Variants in KATNAL1 observed in about 807,000 individuals in gnomAD.
KATNAL1 encodes the protein katanin catalytic subunit A1 like 1.
Under a neutral mutation model 55.2 loss-of-function variants are expected in KATNAL1, and 32 were observed. That is an observed-to-expected ratio of 0.58 (90% CI 0.44 to 0.78). The LOEUF (loss-of-function observed/expected upper bound fraction) is 0.78, where lower values mean the gene tolerates loss of function less well. KATNAL1 is among the 30% of genes least tolerant of loss of function. The pLI is 0.00. For synonymous variants in KATNAL1, 193 were observed against 193.6 expected (o/e 1.00, Z 0.02); for missense variants, 466 against 600.9 (o/e 0.78, Z 2.35).
intron 3 of KATNAL1, among the ~76,000 whole-genome samples, chr13:30,267,356 C>G (rs1879858312): frequency 6.6e-6 from 1 of 152,120 alleles, no homozygotes; most frequent in African/African-American, 2.4e-5. Context: ...GGTCTTTGTC[C>G]AGTTTATCGT....
intron 3 of KATNAL1, among the ~76,000 whole-genome samples, chr13:30,271,163 T>C (rs1880324204): frequency 6.6e-6 from 1 of 152,204 alleles, no homozygotes; most frequent in Non-Finnish European, 1.5e-5. Flanking sequence ...CTTCACACTT[T>C]ACATGGGTTA....
At chr13:30,288,159 T>C (rs555181286) in intron 1 of KATNAL1, among the ~76,000 whole-genome samples, 1 of 152,318 alleles carries the variant, frequency 6.6e-6, no homozygotes, top group South Asian at 2.1e-4. Context: ...ATACATTTCA[T>C]GTTTGAAAAT....
Position 30,230,589 on chromosome 13 carries a change from T to C in KATNAL1, c.891A>G (p.Arg297=). 1 of 1,591,146 alleles carries C rather than the reference T, an allele frequency of 6.3e-7. No homozygotes were observed. Among genetic ancestry groups the C allele is most frequent in the South Asian group, 1.2e-5 (1 of 86,900 alleles). The part of the protein sequence containing the change: ...KLVRLLFEMA[R]FYAPTTIFID... ...TGAAGATCGTGGTAGGGGCATAAAATCTAGCCTTTATGAAAATATTTTAAA... is the reference window on the plus strand; with the variant it reads ...TGAAGATCGTGGTAGGGGCATAAAACCTAGCCTTTATGAAAATATTTTAAA... Residue 297 remains arginine, a synonymous_variant, in exon 8 of 11, where the codon AGA becomes AGG. Transcript: ENST00000380615.
chr13:30,261,397 T>C (rs1480536106), intron 3 of KATNAL1, among the ~76,000 whole-genome samples: 1 of 152,052 alleles, frequency 6.6e-6, no homozygotes, highest in African/African-American at 2.4e-5. Flanking sequence ...ATGGACTAAA[T>C]GCTCCAGTTA....
At chr13:30,250,912 G>A (rs979563654) in intron 4 of KATNAL1, among the ~76,000 whole-genome samples, 1 of 152,186 alleles carries the variant, frequency 6.6e-6, no homozygotes, top group African/African-American at 2.4e-5. Context: ...GCCGAGGCGG[G>A]CGGATCACGA....
intron 9 of KATNAL1, among the ~76,000 whole-genome samples, chr13:30,225,802 A>T (rs189869194): frequency 6.6e-6 from 1 of 152,112 alleles, no homozygotes; most frequent in Non-Finnish European, 1.5e-5. Context: ...ACTATTCATT[A>T]AAAAAAATTG....
chr13:30,281,576 G>A (rs1881340566), intron 2 of KATNAL1, among the ~76,000 whole-genome samples: 2 of 152,002 alleles, frequency 1.3e-5, no homozygotes, highest in Non-Finnish European at 2.9e-5. Flanking sequence ...AATATAACTT[G>A]GTAACATTTA....
chr13:30,246,741 A>G (rs997161876), intron 4 of KATNAL1, among the ~76,000 whole-genome samples: 1 of 152,232 alleles, frequency 6.6e-6, no homozygotes, highest in Non-Finnish European at 1.5e-5. Flanking sequence ...AAGGATATGA[A>G]CAGACACTTC....
chr13:30,209,541 G>GA (rs145182050), intron 10 of KATNAL1, among the ~76,000 whole-genome samples: 6 of 151,962 alleles, frequency 3.9e-5, no homozygotes, highest in Non-Finnish European at 5.9e-5. Flanking sequence ...AGAAAAATAA[G>GA]AAAAAAAATA....
rs1469647446 is a variant in KATNAL1, at chr13:30,280,291, TTACTA to T, written c.163-73_163-69del. Reference sequence around the variant, plus strand: ...TACTTCATAAATTGTAAATAATAAATTACTATAGAGTGCACGTTTTCTTAATGTCA... The same window carrying T: ...TACTTCATAAATTGTAAATAATAAATTAGAGTGCACGTTTTCTTAATGTCA... On this transcript the variant is annotated intron_variant, in intron 2 of 10. Coordinates refer to ENST00000380615, the MANE Select transcript of KATNAL1 (RefSeq NM_032116.5). 4 of 1,298,980 alleles carry T rather than the reference TTACTA, an allele frequency of 3.1e-6. No individual in the cohort carries two copies. The African/African-American group carries it at 6.0e-5, about 20-fold the overall frequency. The allele number at this position is 1,298,980 out of a possible 1,614,324, so 80.5% of individuals were successfully genotyped here.
intron 3 of KATNAL1, among the ~76,000 whole-genome samples, chr13:30,275,513 G>C (rs1369365109): frequency 6.6e-6 from 1 of 152,142 alleles, no homozygotes; most frequent in African/African-American, 2.4e-5. Flanking sequence ...AATATAAAAA[G>C]AGTCAAACTC....
Position 30,210,434 on chromosome 13 carries a change from T to C in KATNAL1, c.1156A>G (p.Arg386Gly). ...AGGTTGATCTTCAGAAGCTCAGCTC[T>C]TCCTTTTGCTGTTACAAGATTTTGG... is the stretch of plus-strand genomic sequence containing the variant. ...IYIPLPTAKG[R>G]AELLKINLRE... Residue 386 changes from arginine (R) to glycine (G), a missense_variant, in exon 10 of 11, where the codon AGA becomes GGA. Arg to Gly is a moderately radical substitution (Grantham distance 125, BLOSUM62 -2). Transcript: ENST00000380615. The C allele has an allele frequency of 6.3e-7, 1 of 1,599,656 alleles. No homozygotes were observed. The highest frequency in any genetic ancestry group is 8.5e-7 in the Non-Finnish European group (1 of 1,175,504).
rs749486985 is a variant in KATNAL1, at chr13:30,301,977, T to C, written c.-15+5354A>G. Among the ~76,000 whole-genome samples the C allele has an allele frequency of 9.7e-4, 147 of 152,094 alleles. 1 individual carries two copies. The highest frequency in any genetic ancestry group is 1.7e-3 in the Non-Finnish European group (118 of 68,010). On this transcript the variant is annotated intron_variant, in intron 1 of 10. Transcript: ENST00000380615. ...ACCTGGACCTCCCAGTCTCAACCAA[T>C]CCTCCCACCTCAGCCTCCTGAGTAG...
intron 3 of KATNAL1, among the ~76,000 whole-genome samples, chr13:30,258,287 C>G (rs1251299178): frequency 6.6e-6 from 1 of 152,140 alleles, no homozygotes; most frequent in African/African-American, 2.4e-5. Context: ...TCATCTCCTT[C>G]GAAATCCAAT....
At chr13:30,289,297 G>C (rs1360497574) in intron 1 of KATNAL1, among the ~76,000 whole-genome samples, 1 of 152,066 alleles carries the variant, frequency 6.6e-6, no homozygotes. Flanking sequence ...TCAATTCTTT[G>C]AGCAACTCTT....
intron 9 of KATNAL1, among the ~76,000 whole-genome samples, chr13:30,212,245 A>G (rs1275619966): frequency 6.6e-6 from 1 of 152,272 alleles, no homozygotes; most frequent in African/African-American, 2.4e-5. Context: ...TACTGTCGAC[A>G]CAGTGAAAAC....
At chr13:30,270,327 G>A (rs1201255162) in intron 3 of KATNAL1, among the ~76,000 whole-genome samples, 3 of 151,134 alleles carry the variant, frequency 2.0e-5, no homozygotes, top group East Asian at 2.0e-4. Context: ...CCGGCCAGCC[G>A]CCCCACCCGG....
rs1873149557 is a variant in KATNAL1 at position 30,206,341 on chromosome 13, T to C, written c.*2199A>G. 6.6e-6 allele frequency: 1 copy of C among 151,952 alleles called. No homozygotes were observed. The highest frequency in any genetic ancestry group is 2.4e-5 in the African/African-American group (1 of 41,354). The allele number at this position is 151,952 out of a possible 1,614,324, so 9.4% of individuals were successfully genotyped here. On this transcript the variant is annotated 3_prime_UTR_variant, in exon 11 of 11. Coordinates refer to ENST00000380615, the MANE Select transcript of KATNAL1 (RefSeq NM_032116.5). ...AGTTAAATAGAACACCTGAGGGATGTCTTTAAGATCCTTTAAGGGATTTAA... is the reference window on the plus strand; with the variant it reads ...AGTTAAATAGAACACCTGAGGGATGCCTTTAAGATCCTTTAAGGGATTTAA...
At chr13:30,236,130 T>C (rs1876652812) in intron 6 of KATNAL1, among the ~76,000 whole-genome samples, 1 of 152,160 alleles carries the variant, frequency 6.6e-6, no homozygotes, top group Admixed American at 6.5e-5. Flanking sequence ...AAAAGCCATG[T>C]GTAAGGGGAC....
Sources: allele counts gnomAD v4.1 joint callset (sites outside exome capture counted in the v4.1 genomes callset), GRCh38; gene constraint gnomAD v4.1.1; transcripts MANE v1.5; gene names NCBI Gene and HGNC (gene_info 2026-07-23, HGNC 2026-07-21).